Variants in BCAP29 observed in about 807,000 individuals in gnomAD.
The protein encoded by BCAP29 is B cell receptor associated protein 29.
BCAP29 carries 34 observed loss-of-function variants against 31.8 expected under a neutral mutation model. That is an observed-to-expected ratio of 1.07 (90% CI 0.81 to 1.42). The LOEUF (loss-of-function observed/expected upper bound fraction) is 1.42. Ranked by LOEUF, BCAP29 falls within the 40% of genes most tolerant of loss-of-function variation. The pLI is 0.00. For synonymous variants in BCAP29, 104 were observed against 91.3 expected, an observed-to-expected ratio of 1.14 and a Z score of -0.79; for missense variants, 314 against 269.2, an observed-to-expected ratio of 1.17 and a Z score of -1.16.
chr7:107,603,635 T>A (rs1207150659), intron 6 of BCAP29: 3 of 142,154 alleles, frequency 2.1e-5, no homozygotes, highest in African/African-American at 8.1e-5. Flanking sequence ...TGAGACAGAG[T>A]CTCACTGTCA....
intron 5 of BCAP29, 77 bp downstream of exon 5, chr7:107,596,079 A>T: frequency 7.8e-7 from 1 of 1,282,464 alleles, no homozygotes; most frequent in Non-Finnish European, 1.0e-6. Context: ...AGCATCAAAA[A>T]GAGCATTTTT....
At chr7:107,595,702 G>C (rs954631172) in intron 4 of BCAP29, 165 bp from the exon 5 acceptor site, 49 of 639,176 alleles carry the variant, frequency 7.7e-5, no homozygotes, top group Non-Finnish European at 1.1e-4. Context: ...ACACGGGCCT[G>C]TTTTTACTAA....
chr7:107,599,110 A>C (rs1289320584), intron 5 of BCAP29, among the ~76,000 whole-genome samples: 3 of 132,796 alleles, frequency 2.3e-5, no homozygotes, highest in South Asian at 2.2e-4. Context: ...ATATATATTT[A>C]TAAATATATA....
intron 7 of BCAP29, chr7:107,615,616 C>T: frequency 4.2e-6 from 1 of 240,802 alleles, no homozygotes; most frequent in East Asian, 8.8e-5. Context: ...AAAGTGATTC[C>T]TTCCCAAGAA....
At chr7:107,622,565 T>C (rs1815070567), downstream of BCAP29, 1 of 152,454 alleles carries the variant, frequency 6.6e-6, no homozygotes, top group South Asian at 2.1e-4. Context: ...TTTATTTTCA[T>C]CATAGCACTT....
intron 6 of BCAP29, among the ~76,000 whole-genome samples, chr7:107,607,635 CTT>C (rs57817003): frequency 3.8e-5 from 5 of 132,590 alleles, no homozygotes; most frequent in Admixed American, 1.5e-4. Context: ...CTTTCTTTTT[CTT>C]TTTTTTTTTT....
At chr7:107,592,695 A>G (rs1395866802) in intron 3 of BCAP29, among the ~76,000 whole-genome samples, 1 of 152,238 alleles carries the variant, frequency 6.6e-6, no homozygotes. Context: ...CCATCAACCA[A>G]TGAATAGATA....
intron 5 of BCAP29, among the ~76,000 whole-genome samples, chr7:107,599,079 T>A (rs1309239395): frequency 7.7e-6 from 1 of 130,706 alleles, no homozygotes; most frequent in African/African-American, 3.1e-5. Context: ...ATAAATATAT[T>A]AAAAATTTAT....
At position 107,604,572 on chromosome 7, in the gene BCAP29, A is replaced by G. The variant is rs141396005; in HGVS notation, c.589+4067A>G. Among the ~76,000 whole-genome samples the G allele has an allele frequency of 8.7e-3, 1,329 of 152,238 alleles. 21 individuals carry two copies. Among genetic ancestry groups the G allele is most frequent in the African/African-American group, 0.031 (1,270 of 41,556 alleles). On this transcript the variant is annotated intron_variant, in intron 6 of 7. Transcript: ENST00000005259. Reference sequence around the variant, plus strand: ...ACAGTTGTAAATTTTTGTGGACGTGAACTTAGTTATCTTTTACTTACAGTT... The same window carrying G: ...ACAGTTGTAAATTTTTGTGGACGTGGACTTAGTTATCTTTTACTTACAGTT...
At chr7:107,608,133 A>C (rs1325971194) in intron 6 of BCAP29, among the ~76,000 whole-genome samples, 1 of 151,758 alleles carries the variant, frequency 6.6e-6, no homozygotes, top group Non-Finnish European at 1.5e-5. Context: ...TCCATACCGT[A>C]ATCTTTGTGA....
chr7:107,612,394 TA>T (rs1813299563), intron 6 of BCAP29, among the ~76,000 whole-genome samples: 34 of 9,300 alleles, frequency 3.7e-3, no homozygotes, highest in African/African-American at 0.01. Flanking sequence ...TATTGTTTTA[TA>T]TATATATATA....
chr7:107,621,605 T>C (rs374055501), downstream of BCAP29: 9 of 421,560 alleles, frequency 2.1e-5, no homozygotes, highest in African/African-American at 1.2e-4. Flanking sequence ...GTGCCCTAAA[T>C]GCAGCTACAT....
chr7:107,585,234 G>C (rs1026889930), intron 3 of BCAP29, among the ~76,000 whole-genome samples: 1 of 152,142 alleles, frequency 6.6e-6, no homozygotes, highest in Admixed American at 6.6e-5. Context: ...ACACTGTTTT[G>C]TGAGAAAATG....
rs1426253253 is a variant in BCAP29, at chr7:107,580,823, A to G, written c.51A>G (p.Gly17=). The G allele has an allele frequency of 6.3e-7, 1 of 1,589,936 alleles. No homozygotes were observed. Among genetic ancestry groups the G allele is most frequent in the Non-Finnish European group, 8.5e-7 (1 of 1,170,142 alleles). The change falls in exon 2 of 8, where the codon GGA becomes GGG. Residue 17 remains glycine, a synonymous_variant. Transcript: ENST00000005259. ...CAACCTTTCTTTATGCCGAAATAGG[A>G]CTCATTTTAATCTTCTGCCTACCTT... ...AVATFLYAEI[G]LILIFCLPFI...
At chr7:107,615,147 A>T (rs1055157498) in intron 7 of BCAP29, 3 of 452,490 alleles carry the variant, frequency 6.6e-6, no homozygotes, top group African/African-American at 4.0e-5. Context: ...GAATGTCTCC[A>T]TTGTTGAATG....
At chr7:107,601,448 C>G (rs1173503482) in intron 6 of BCAP29, among the ~76,000 whole-genome samples, 1 of 152,118 alleles carries the variant, frequency 6.6e-6, no homozygotes, top group Non-Finnish European at 1.5e-5. Context: ...ATTCTTTAGT[C>G]ACGTTCCTCC....
intron 7 of BCAP29, chr7:107,613,819 A>C: frequency 1.1e-5 from 11 of 971,396 alleles, no homozygotes; most frequent in Non-Finnish European, 1.6e-5. Context: ...CTCTTGTCTC[A>C]GTGTTTTAGA....
At chr7:107,581,944 T>G (rs1216966523) in intron 2 of BCAP29, among the ~76,000 whole-genome samples, 1 of 152,214 alleles carries the variant, frequency 6.6e-6, no homozygotes, top group African/African-American at 2.4e-5. Context: ...GGAGGGCAAG[T>G]AGCCTACGGT....
chr7:107,614,878 G>A (rs916731928), intron 7 of BCAP29, among the ~76,000 whole-genome samples: 2 of 152,178 alleles, frequency 1.3e-5, no homozygotes, highest in Admixed American at 1.3e-4. Context: ...GACCTCATTG[G>A]GGCATGATAA....
Sources: allele counts gnomAD v4.1 joint callset (sites outside exome capture counted in the v4.1 genomes callset), GRCh38; gene constraint gnomAD v4.1.1; transcripts MANE v1.5; gene names NCBI Gene and HGNC (gene_info 2026-07-23, HGNC 2026-07-21).